PTAFR: variants seen among roughly 807,000 people sequenced by gnomAD.
PTAFR encodes the protein platelet-activating factor receptor.
Under a neutral mutation model 14.7 loss-of-function variants are expected in PTAFR, and 8 were observed. The ratio of observed to expected loss-of-function variants is 0.54; its 90% CI spans 0.32 to 0.98. The LOEUF (loss-of-function observed/expected upper bound fraction) is 0.98. PTAFR is among the 50% of genes least tolerant of loss of function. PTAFR has a pLI of 0.04. For missense variants in PTAFR, 337 were observed against 451.2 expected (o/e 0.75, Z 2.29); for synonymous variants, 156 against 176.5 (o/e 0.88, Z 0.92).
At position 28,147,389 on chromosome 1, in the gene PTAFR, G is replaced by T. The variant is rs1646128965; in HGVS notation, c.*2604C>A. 1 of 152,122 alleles carries T rather than the reference G, an allele frequency of 6.6e-6. No homozygotes were observed. The allele number at this position is 152,122 out of a possible 1,614,324, so 9.4% of individuals were successfully genotyped here. On this transcript the variant is annotated 3_prime_UTR_variant, in exon 2 of 2. Coordinates refer to ENST00000373857, the MANE Select transcript of PTAFR (RefSeq NM_000952.5). Reference sequence around the variant, plus strand: ...GTATCCTGACAAGGGACGCTCACAGGGCCTAAAGGAAGAGTGCTGGGCCCC... The same window carrying T: ...GTATCCTGACAAGGGACGCTCACAGTGCCTAAAGGAAGAGTGCTGGGCCCC...
chr1:28,173,244 T>C (rs2149002460), intron 1 of PTAFR, among the ~76,000 whole-genome samples: 2 of 128,168 alleles, frequency 1.6e-5, no homozygotes, highest in South Asian at 2.6e-4. Flanking sequence ...GTCACGATCA[T>C]GCCACTGCTC....
At chr1:28,171,807 C>T (rs1338853180) in intron 1 of PTAFR, among the ~76,000 whole-genome samples, 1 of 152,112 alleles carries the variant, frequency 6.6e-6, no homozygotes, top group Non-Finnish European at 1.5e-5. Context: ...GACTCAGCCT[C>T]TGCTCAGTTG....
chr1:28,173,590 G>T (rs1238134406), intron 1 of PTAFR, among the ~76,000 whole-genome samples: 1 of 151,592 alleles, frequency 6.6e-6, no homozygotes, highest in Non-Finnish European at 1.5e-5. Context: ...GATCGAGGCT[G>T]CAGTGAGGTG....
intron 1 of PTAFR, among the ~76,000 whole-genome samples, chr1:28,168,673 T>C (rs1646419016): frequency 1.3e-5 from 2 of 152,104 alleles, no homozygotes; most frequent in African/African-American, 4.8e-5. Context: ...ACATTCTTTT[T>C]TGTTTGTTTG....
rs750271098 is a variant in PTAFR, at chr1:28,150,305, C to A, written c.717G>T (p.Ala239=). Residue 239 remains alanine (A), a synonymous_variant, in exon 2 of 2, where the codon GCG becomes GCT. Transcript: ENST00000373857. The surrounding 1 kb of genome is among the most constrained non-coding windows in gnomAD (Gnocchi z 6.3). ...GGGGCACGAAGCAGATGATGAACAC[C>A]GCCAAGACCGTGCACACCATCCACA... is the stretch of plus-strand genomic sequence containing the variant. The part of the protein sequence containing the change: ...RALWMVCTVL[A]VFIICFVPHH... The A allele has an allele frequency of 1.2e-6, 2 of 1,613,212 alleles. No homozygotes were observed. The highest frequency in any genetic ancestry group is 2.2e-5 in the South Asian group (2 of 90,980).
At chr1:28,170,437 C>T (rs1646440396) in intron 1 of PTAFR, among the ~76,000 whole-genome samples, 1 of 152,112 alleles carries the variant, frequency 6.6e-6, no homozygotes, top group Admixed American at 6.6e-5. Flanking sequence ...GGAAAGGTGG[C>T]CCACATCTAT....
At chr1:28,190,764 G>T (rs918416914) in intron 1 of PTAFR, among the ~76,000 whole-genome samples, 10 of 152,144 alleles carry the variant, frequency 6.6e-5, no homozygotes, top group Non-Finnish European at 1.5e-4. Flanking sequence ...GACTCCTGGG[G>T]ATGGACAGCC....
intron 1 of PTAFR, among the ~76,000 whole-genome samples, chr1:28,173,698 G>A (rs562204379): frequency 2.3e-4 from 34 of 150,934 alleles, no homozygotes; most frequent in African/African-American, 7.3e-4. Flanking sequence ...CACAAATTTG[G>A]TTTTGACATG....
rs1050459659 is a variant in PTAFR, at chr1:28,162,391, A to G, written c.-38-11332T>C. ...ACAGGATTGCCTACTCCCCAGACAGAGCAGCTGCCACACAAGGCAGAGTGA... is the reference window on the plus strand; with the variant it reads ...ACAGGATTGCCTACTCCCCAGACAGGGCAGCTGCCACACAAGGCAGAGTGA... On this transcript the variant is annotated intron_variant, in intron 1 of 1. Transcript: ENST00000373857. 2.6e-5 allele frequency among the ~76,000 whole-genome samples: 4 copies of G among 152,184 alleles called. No homozygotes were observed. In the East Asian group the frequency reaches 7.7e-4, roughly 29 times the overall value.
Position 28,150,002 on chromosome 1 carries a change from G to T in PTAFR, c.1020C>A (p.Leu340=), listed in dbSNP as rs1405991665. 3 of 1,611,282 alleles carry T rather than the reference G, an allele frequency of 1.9e-6. No individual in the cohort carries two copies. The highest frequency in any genetic ancestry group is 1.7e-5 in the Admixed American group (1 of 59,820). The change falls in exon 2 of 2, where the codon CTC becomes CTA. Residue 340 remains leucine (L), a synonymous_variant. Transcript: ENST00000373857. This position sits in a 1 kb window ranked among gnomAD's most constrained non-coding sequence, Gnocchi z 6.3. ...VPFNQIPGNS[L]KN is the part of the protein sequence containing the mutation. ...GGCCTGGAAGCAGGGACTAATTTTT[G>T]AGGGAATTGCCAGGGATCTGGTTGA...
intron 1 of PTAFR, among the ~76,000 whole-genome samples, chr1:28,187,337 C>T (rs1646615222): frequency 6.6e-6 from 1 of 151,900 alleles, no homozygotes; most frequent in Non-Finnish European, 1.5e-5. Flanking sequence ...CTAATAGCCA[C>T]TAATAGTGCA....
At chr1:28,178,875 G>GAAA (rs1363232750), upstream of PTAFR, among the ~76,000 whole-genome samples, 2 of 152,044 alleles carry the variant, frequency 1.3e-5, no homozygotes, top group African/African-American at 2.4e-5. Context: ...CCCATGTCCT[G>GAAA]CCAGGGACAC....
chr1:28,178,095 G>T (rs980153989), upstream of PTAFR, among the ~76,000 whole-genome samples: 24 of 151,990 alleles, frequency 1.6e-4, no homozygotes, highest in Admixed American at 1.6e-3. Context: ...CTGAGGTCCC[G>T]ACAGGACCAG....
intron 1 of PTAFR, among the ~76,000 whole-genome samples, chr1:28,155,126 G>A (rs1440802505): frequency 6.6e-6 from 1 of 152,172 alleles, no homozygotes; most frequent in Non-Finnish European, 1.5e-5. Context: ...AACCTGTCCA[G>A]ACATTTCCTG....
upstream of PTAFR, among the ~76,000 whole-genome samples, chr1:28,178,964 G>A (rs12073298): frequency 0.013 from 1,905 of 151,946 alleles, 44 homozygotes; most frequent in African/African-American, 0.042. Context: ...ACCAGCCTGG[G>A]CAATATAGTG....
rs1646158864 is a variant in PTAFR at position 28,149,922 on chromosome 1, G to A, written c.*71C>T. The A allele has an allele frequency of 1.3e-6, 2 of 1,535,690 alleles. No homozygotes were observed. Among genetic ancestry groups the A allele is most frequent in the African/African-American group, 2.7e-5 (2 of 73,010 alleles). Reference sequence around the variant, plus strand: ...CAGAGGTGGTGCCCAGACCACAGTAGATATCCCTTCTTCCCCCAGCTCAGT... The same window carrying A: ...CAGAGGTGGTGCCCAGACCACAGTAAATATCCCTTCTTCCCCCAGCTCAGT... On this transcript the variant is annotated 3_prime_UTR_variant, in exon 2 of 2. Coordinates refer to ENST00000373857, the MANE Select transcript of PTAFR (RefSeq NM_000952.5).
intron 1 of PTAFR, among the ~76,000 whole-genome samples, chr1:28,172,020 G>A (rs181326150): frequency 2.0e-5 from 3 of 151,964 alleles, no homozygotes; most frequent in African/African-American, 4.8e-5. Context: ...TGTGTGTTGC[G>A]GGGGTGGGGG....
At chr1:28,181,091 GCCCTCCT>G (rs1283346917), upstream of PTAFR, among the ~76,000 whole-genome samples, 62 of 152,164 alleles carry the variant, frequency 4.1e-4, no homozygotes, top group East Asian at 9.8e-3. Flanking sequence ...GAAGCAATCC[GCCCTCCT>G]CCGCCTTCCA....
intron 1 of PTAFR, among the ~76,000 whole-genome samples, chr1:28,170,513 G>A (rs541436647): frequency 1.8e-4 from 28 of 151,932 alleles, no homozygotes; most frequent in Non-Finnish European, 1.9e-4. Flanking sequence ...AGACCAGCCT[G>A]AGCAACATAA....
Sources: allele counts gnomAD v4.1 joint callset (sites outside exome capture counted in the v4.1 genomes callset), GRCh38; gene constraint gnomAD v4.1.1; non-coding constraint Gnocchi (gnomAD v3.1); transcripts MANE v1.5; gene names NCBI Gene and HGNC (gene_info 2026-07-23, HGNC 2026-07-21).